The following DGKB variants were observed in gnomAD, a reference collection of about 807,000 sequenced individuals.
DGKB encodes the protein 90 kDa diacylglycerol kinase.
In DGKB, 67 loss-of-function variants were observed where a neutral mutation model predicts 114.3. The ratio of observed to expected loss-of-function variants is 0.59; its 90% CI spans 0.48 to 0.72. The LOEUF (loss-of-function observed/expected upper bound fraction) is 0.72, where lower values mean the gene tolerates loss of function less well. Ranked by LOEUF, DGKB falls within the 30% of genes least tolerant of loss-of-function variation. DGKB has a pLI of 0.00. For missense variants in DGKB, 907 were observed against 975.2 expected (o/e 0.93, Z 0.93); for synonymous variants, 398 against 323.1 (o/e 1.23, Z -2.49).
Position 14,478,186 on chromosome 7 carries a change from T to G in DGKB, c.1810A>C (p.Lys604Gln). ...CTACTGTTGAATTTCTCTGGGTGTT[T>G]TTCTCTCATGATGTGGAATCTGTGT... ...IAHRFHIMRE[K>Q]HPEKFNSRMK... is the part of the protein sequence containing the mutation. The change falls in exon 21 of 26, where the codon AAA becomes CAA. Residue 604 changes from lysine (K) to glutamine (Q), a missense_variant. Lys to Gln is a moderately conservative substitution (Grantham distance 53, BLOSUM62 1). This residue lies in a region of DGKB where 814 missense variants were observed against 856.6 expected (regional missense o/e 0.95). Coordinates refer to ENST00000402815, the MANE Select transcript of DGKB (RefSeq NM_001350709.2). 6.2e-7 allele frequency: 1 copy of G among 1,604,064 alleles called. No individual in the cohort carries two copies. The highest frequency in any genetic ancestry group is 8.5e-7 in the Non-Finnish European group (1 of 1,174,106).
rs771552980 is a variant in DGKB, at chr7:14,240,293, T to A, written c.2123-62142A>T. On this transcript the variant is annotated intron_variant, in intron 23 of 25. Coordinates refer to ENST00000402815, the MANE Select transcript of DGKB (RefSeq NM_001350709.2). ...TCCATGTAAAATAAATTTTGTACGATCATTATGTAGTACTTGTGAAAAGTC... is the reference window on the plus strand; with the variant it reads ...TCCATGTAAAATAAATTTTGTACGAACATTATGTAGTACTTGTGAAAAGTC... Among the ~76,000 whole-genome samples the A allele has an allele frequency of 2.6e-4, 40 of 152,114 alleles. 1 individual carries two copies. Among genetic ancestry groups the A allele is most frequent in the Admixed American group, 1.1e-3 (17 of 15,238 alleles).
At chr7:14,461,066 C>T (rs550502092) in intron 21 of DGKB, among the ~76,000 whole-genome samples, 6 of 152,138 alleles carry the variant, frequency 3.9e-5, no homozygotes, top group South Asian at 2.1e-4. Context: ...AACAAAGACA[C>T]AATGTACCAG....
intron 17 of DGKB, among the ~76,000 whole-genome samples, chr7:14,602,455 C>T (rs767983119): frequency 6.6e-6 from 1 of 152,090 alleles, no homozygotes. Flanking sequence ...AAAATTAGTG[C>T]CCAAAGCAAT....
At chr7:14,238,766 G>A (rs1360992710) in intron 23 of DGKB, among the ~76,000 whole-genome samples, 1 of 151,692 alleles carries the variant, frequency 6.6e-6, no homozygotes, top group African/African-American at 2.4e-5. Flanking sequence ...GGTTACAAAT[G>A]GTGGAATTTC....
chr7:14,351,899 CT>C (rs1362102278), intron 21 of DGKB, among the ~76,000 whole-genome samples: 1 of 151,814 alleles, frequency 6.6e-6, no homozygotes, highest in African/African-American at 2.4e-5. Flanking sequence ...GAAATGTGTA[CT>C]TTTTTTTGGA....
At chr7:14,883,357 G>C (rs1854535648) in intron 1 of DGKB, among the ~76,000 whole-genome samples, 3 of 151,964 alleles carry the variant, frequency 2.0e-5, no homozygotes. Context: ...GCTCCCCTTT[G>C]GGATGGAGCA....
chr7:14,806,348 A>G (rs1048110202), intron 2 of DGKB, among the ~76,000 whole-genome samples: 1 of 152,120 alleles, frequency 6.6e-6, no homozygotes, highest in Non-Finnish European at 1.5e-5. Flanking sequence ...ATATGGCTAT[A>G]GAGTCTACAA....
chr7:14,260,600 C>G (rs532772020), intron 23 of DGKB, among the ~76,000 whole-genome samples: 2 of 152,232 alleles, frequency 1.3e-5, no homozygotes, highest in Admixed American at 6.5e-5. Flanking sequence ...GTTTCTTTAG[C>G]TTTCACTTCC....
intron 17 of DGKB, among the ~76,000 whole-genome samples, chr7:14,599,629 C>T (rs1459035754): frequency 6.6e-6 from 1 of 152,126 alleles, no homozygotes; most frequent in African/African-American, 2.4e-5. Flanking sequence ...ATGTATATTT[C>T]ACCTGTTTAT....
chr7:14,512,277 T>C (rs541969652), intron 20 of DGKB, among the ~76,000 whole-genome samples: 19 of 152,308 alleles, frequency 1.2e-4, no homozygotes, highest in African/African-American at 4.1e-4. Context: ...AAGCTGATGT[T>C]TGAGAAATCC....
At chr7:14,159,528 C>T (rs920102546) in intron 25 of DGKB, among the ~76,000 whole-genome samples, 1 of 152,156 alleles carries the variant, frequency 6.6e-6, no homozygotes, top group Non-Finnish European at 1.5e-5. Context: ...TGTGTACCTG[C>T]ACTGAGTTCA....
intron 20 of DGKB, among the ~76,000 whole-genome samples, chr7:14,524,674 T>G (rs183692336): frequency 1.9e-4 from 28 of 151,168 alleles, no homozygotes; most frequent in African/African-American, 6.3e-4. Context: ...TAGAATCTCT[T>G]GAGCCTGGGA....
intron 23 of DGKB, among the ~76,000 whole-genome samples, chr7:14,224,434 T>G (rs1329059009): frequency 2.0e-5 from 3 of 152,016 alleles, no homozygotes; most frequent in East Asian, 3.9e-4. Context: ...TTCTTACTTC[T>G]GTGTACTTAT....
chr7:14,534,057 G>C (rs114975418), intron 20 of DGKB, among the ~76,000 whole-genome samples: 1,626 of 151,992 alleles, frequency 0.011, 30 homozygotes, highest in African/African-American at 0.035. Context: ...TTAAATACTA[G>C]TAAAAAATTA....
chr7:14,399,828 G>A (rs577035145), intron 21 of DGKB, among the ~76,000 whole-genome samples: 1 of 151,908 alleles, frequency 6.6e-6, no homozygotes, highest in African/African-American at 2.4e-5. Flanking sequence ...CTATTCTGAA[G>A]CCTTTGAATC....
chr7:14,441,467 C>T (rs867105876), intron 21 of DGKB, among the ~76,000 whole-genome samples: 12 of 152,002 alleles, frequency 7.9e-5, no homozygotes, highest in Non-Finnish European at 7.4e-5. Context: ...GTTTGATGCA[C>T]AATTATCAAT....
At chr7:14,400,929 T>C (rs968522787) in intron 21 of DGKB, among the ~76,000 whole-genome samples, 27 of 151,774 alleles carry the variant, frequency 1.8e-4, no homozygotes, top group Admixed American at 1.2e-3. Flanking sequence ...ATTCAGGGAA[T>C]CTACCGAGCT....
chr7:14,383,420 A>G (rs1819800853), intron 21 of DGKB, among the ~76,000 whole-genome samples: 1 of 152,238 alleles, frequency 6.6e-6, no homozygotes, highest in Non-Finnish European at 1.5e-5. Context: ...TATATCATGA[A>G]GTCCAAATCA....
At chr7:14,464,048 G>A (rs1370846831) in intron 21 of DGKB, among the ~76,000 whole-genome samples, 2 of 150,768 alleles carry the variant, frequency 1.3e-5, no homozygotes. Context: ...TTTTCCCCTA[G>A]TAAGATGTAT....
Sources: allele counts gnomAD v4.1 joint callset (sites outside exome capture counted in the v4.1 genomes callset), GRCh38; gene constraint gnomAD v4.1.1; regional missense constraint gnomAD v4.1.1; transcripts MANE v1.5; gene names NCBI Gene and HGNC (gene_info 2026-07-23, HGNC 2026-07-21).